Variants in OSBPL9 observed in about 807,000 individuals in gnomAD.
The protein encoded by OSBPL9 is oxysterol-binding protein-related protein 9.
Under a neutral mutation model 106.6 loss-of-function variants are expected in OSBPL9, and 40 were observed. The ratio of observed to expected loss-of-function variants is 0.38; its 90% confidence interval spans 0.29 to 0.49. The LOEUF is 0.49. Ranked by LOEUF, OSBPL9 falls within the 20% of genes least tolerant of loss-of-function variation. The pLI, the probability that OSBPL9 is intolerant of heterozygous loss-of-function variation, is 0.97. For missense variants in OSBPL9, 609 were observed against 887.2 expected (o/e 0.69, Z 3.98); for synonymous variants, 269 against 295.4 (o/e 0.91, Z 0.92).
At chr1:51,615,679 C>T (rs1476976607), upstream of OSBPL9, among the ~76,000 whole-genome samples, 1 of 152,140 alleles carries the variant, frequency 6.6e-6, no homozygotes, top group Non-Finnish European at 1.5e-5. Flanking sequence ...CCAGCTAGTG[C>T]CTCATCTTTT....
chr1:51,608,958 C>CT lies in OSBPL9; in HGVS notation c.-352-5338dup, dbSNP rs923629049. Among the ~76,000 whole-genome samples, 9 of 150,940 alleles carry CT rather than the reference C, an allele frequency of 6.0e-5. No individual in the cohort carries two copies. The East Asian group carries it at 7.8e-4, about 13-fold the overall frequency. On this transcript the variant is annotated intron_variant, in intron 2 of 25. Coordinates refer to the OSBPL9 transcript ENST00000371714. Reference sequence around the variant, plus strand: ...GGGACCCTTATTGCTACTTCCATCCCTTTTTTTTTCACTTCACAGAGCCCT... The same window carrying CT: ...GGGACCCTTATTGCTACTTCCATCCCTTTTTTTTTTCACTTCACAGAGCCCT...
intron 3 of OSBPL9, among the ~76,000 whole-genome samples, chr1:51,674,045 T>A (rs1650583052): frequency 6.6e-6 from 1 of 151,086 alleles, no homozygotes; most frequent in Admixed American, 6.6e-5. Flanking sequence ...TCTCTTTCTT[T>A]CCTTTGTTTT....
intron 3 of OSBPL9, among the ~76,000 whole-genome samples, chr1:51,704,581 GT>G (rs1658025399): frequency 1.3e-5 from 2 of 152,178 alleles, no homozygotes; most frequent in South Asian, 4.1e-4. Flanking sequence ...TTTCCTCACA[GT>G]TCTGGAGGCT....
At chr1:51,697,712 T>G (rs1237418302) in intron 3 of OSBPL9, among the ~76,000 whole-genome samples, 1 of 151,410 alleles carries the variant, frequency 6.6e-6, no homozygotes, top group Non-Finnish European at 1.5e-5. Context: ...AACTTCATAT[T>G]CTTATTCAAA....
intron 4 of OSBPL9, among the ~76,000 whole-genome samples, chr1:51,744,586 A>G (rs1406097679): frequency 6.6e-6 from 1 of 152,192 alleles, no homozygotes; most frequent in Non-Finnish European, 1.5e-5. Context: ...GGCAGGGAGG[A>G]GATGACAAGT....
intron 4 of OSBPL9, among the ~76,000 whole-genome samples, chr1:51,732,875 T>C (rs1040194017): frequency 2.0e-5 from 3 of 152,250 alleles, no homozygotes; most frequent in Admixed American, 6.5e-5. Context: ...GATTTATCTC[T>C]GAGTCCAGAC....
intron 3 of OSBPL9, 139 bp from the exon 4 acceptor site, chr1:51,713,864 T>C (rs778179327): frequency 1.7e-6 from 1 of 602,018 alleles, no homozygotes; most frequent in Non-Finnish European, 2.8e-6. Context: ...TATTAATAGA[T>C]CAAGCTGAAC....
Position 51,750,164 on chromosome 1 carries a change from AAC to A in OSBPL9, c.515_516del (p.His172LeufsTer13). On this transcript the variant is annotated frameshift_variant, in exon 8 of 24. Transcript: ENST00000428468. LOFTEE classifies it high-confidence loss of function. ...TTATAGAGCATGGTAGAATCAATTA[AAC>A]ACTGCATTGTGTTGCTGCAGATTGC... 6.2e-7 allele frequency: 1 copy of A among 1,607,926 alleles called. No individual in the cohort carries two copies. The highest frequency in any genetic ancestry group is 8.5e-7 in the Non-Finnish European group (1 of 1,177,388).
At chr1:51,630,396 A>G (rs1452108381) in intron 1 of OSBPL9, among the ~76,000 whole-genome samples, 2 of 152,124 alleles carry the variant, frequency 1.3e-5, no homozygotes, top group African/African-American at 4.8e-5. Flanking sequence ...TTTCTGGGTT[A>G]GTCGTTTTCT....
At chr1:51,686,422 C>G (rs1172963599) in intron 3 of OSBPL9, among the ~76,000 whole-genome samples, 1 of 152,160 alleles carries the variant, frequency 6.6e-6, no homozygotes, top group East Asian at 1.9e-4. Context: ...TCATGTCTGT[C>G]TCTTTTACCA....
chr1:51,760,647 A>G (rs1289887512), intron 9 of OSBPL9, 43 bp from the exon 10 acceptor site: 1 of 1,612,064 alleles, frequency 6.2e-7, no homozygotes, highest in Admixed American at 1.7e-5. Context: ...GCATGAGAAG[A>G]GCATTTAATT....
At chr1:51,634,834 G>A (rs1029888578) in intron 1 of OSBPL9, among the ~76,000 whole-genome samples, 1 of 152,182 alleles carries the variant, frequency 6.6e-6, no homozygotes, top group South Asian at 2.1e-4. Flanking sequence ...GGTAGAAGGC[G>A]AAAAGCATGT....
chr1:51,705,500 G>A (rs112097849), intron 3 of OSBPL9, among the ~76,000 whole-genome samples: 4,363 of 132,910 alleles, frequency 0.033, 126 homozygotes, highest in Middle Eastern at 0.12. Context: ...CACAACCTCT[G>A]CCTCCCTGGT....
intron 11 of OSBPL9, among the ~76,000 whole-genome samples, chr1:51,764,883 C>G (rs928916974): frequency 2.0e-5 from 3 of 152,228 alleles, no homozygotes; most frequent in Non-Finnish European, 2.9e-5. Flanking sequence ...TTGTGCCTAG[C>G]CTGGATTCAT....
chr1:51,665,794 A>G (rs80285313), intron 2 of OSBPL9, among the ~76,000 whole-genome samples: 1,815 of 152,272 alleles, frequency 0.012, 38 homozygotes, highest in African/African-American at 0.042. Context: ...CATATAGACT[A>G]TCTAAAGTAC....
At chr1:51,581,440 T>G (rs1012856326) in intron 1 of OSBPL9, among the ~76,000 whole-genome samples, 2 of 152,216 alleles carry the variant, frequency 1.3e-5, no homozygotes, top group Non-Finnish European at 2.9e-5. Flanking sequence ...TTACTCTTTT[T>G]TCCCCCTTCT....
chr1:51,626,931 A>G (rs951149812), intron 1 of OSBPL9, among the ~76,000 whole-genome samples: 2 of 152,124 alleles, frequency 1.3e-5, no homozygotes, highest in Non-Finnish European at 2.9e-5. Context: ...TTTCATATCT[A>G]TGTTTACTTC....
At chr1:51,664,577 A>G (rs1304911522) in intron 2 of OSBPL9, among the ~76,000 whole-genome samples, 1 of 152,138 alleles carries the variant, frequency 6.6e-6, no homozygotes, top group African/African-American at 2.4e-5. Flanking sequence ...CTGTAATCCC[A>G]GTTACTCAAG....
intron 1 of OSBPL9, among the ~76,000 whole-genome samples, chr1:51,635,395 C>T (rs1480824492): frequency 6.6e-6 from 1 of 152,106 alleles, no homozygotes; most frequent in Non-Finnish European, 1.5e-5. Context: ...GTGTTTGCAC[C>T]TCGCTGTTAC....
Sources: gnomAD v4.1 joint callset for allele counts (sites outside exome capture counted in the v4.1 genomes callset) on GRCh38, gnomAD v4.1.1 for gene constraint, MANE v1.5 for transcripts, NCBI Gene and HGNC (gene_info 2026-07-23, HGNC 2026-07-21) for gene names.